The following ABCA13 variants were observed in gnomAD, a reference collection of about 807,000 sequenced individuals.
ABCA13 encodes the protein ATP-binding cassette sub-family A member 13.
ABCA13 carries 476 observed loss-of-function variants against 478.7 expected under a neutral mutation model. That is an observed-to-expected ratio of 0.99 (90% CI 0.92 to 1.07). The LOEUF (loss-of-function observed/expected upper bound fraction) is 1.07. ABCA13 is among the 50% of genes least tolerant of loss of function. ABCA13 has a pLI of 0.00. For synonymous variants in ABCA13, 2,252 were observed against 2,158.9 expected, an observed-to-expected ratio of 1.04 and a Z score of -1.20; for missense variants, 6,060 against 5,910.6, an observed-to-expected ratio of 1.03 and a Z score of -0.83.
intron 13 of ABCA13, 38 bp downstream of exon 13, chr7:48,246,068 A>C (rs1311222526): frequency 6.4e-7 from 1 of 1,570,720 alleles, no homozygotes; most frequent in Non-Finnish European, 8.6e-7. Flanking sequence ...TAAGGGCACA[A>C]ATTTAAGATT....
At chr7:48,403,006 G>T (rs1375704381) in intron 38 of ABCA13, among the ~76,000 whole-genome samples, 1 of 152,236 alleles carries the variant, frequency 6.6e-6, no homozygotes, top group African/African-American at 2.4e-5. Flanking sequence ...AGTGGTGAGG[G>T]AAGTTATTTG....
At chr7:48,562,396 A>G (rs192467333) in intron 55 of ABCA13, among the ~76,000 whole-genome samples, 2 of 152,250 alleles carry the variant, frequency 1.3e-5, no homozygotes, top group Admixed American at 6.5e-5. Flanking sequence ...TGAATAATAA[A>G]TCCGATAAGA....
Position 48,279,032 on chromosome 7 carries a change from A to G in ABCA13, c.7838A>G (p.Asp2613Gly). The part of the protein sequence containing the change: ...GVEPYISSNS[D>G]IFSMSPSILS... The stretch of plus-strand genomic sequence containing the variant: ...GAACCTTATATATCATCAAACTCTG[A>G]TATTTTCAGTATGTCACCTAGCATA... Residue 2613 changes from aspartate (D) to glycine (G), a missense_variant, in exon 18 of 62, where the codon GAT (aspartate) becomes GGT (glycine). Coordinates refer to ENST00000435803, the MANE Select transcript of ABCA13 (RefSeq NM_152701.5). 6.2e-7 allele frequency: 1 copy of G among 1,613,276 alleles called. No homozygotes were observed. Among genetic ancestry groups the G allele is most frequent in the Non-Finnish European group, 8.5e-7 (1 of 1,179,812 alleles).
chr7:48,330,741 C>CCATA (rs2128932229), intron 27 of ABCA13, among the ~76,000 whole-genome samples: 1 of 140,446 alleles, frequency 7.1e-6, no homozygotes, highest in South Asian at 2.4e-4. Flanking sequence ...ATTGACACAT[C>CCATA]CATCCATCCA....
intron 45 of ABCA13, among the ~76,000 whole-genome samples, chr7:48,475,891 A>C (rs1828039570): frequency 6.6e-6 from 1 of 152,204 alleles, no homozygotes; most frequent in South Asian, 2.1e-4. Context: ...TTAAAGGGGA[A>C]CAGGAATTGA....
intron 27 of ABCA13, among the ~76,000 whole-genome samples, chr7:48,330,321 C>T (rs570619561): frequency 6.6e-5 from 10 of 151,054 alleles, no homozygotes; most frequent in African/African-American, 1.7e-4. Context: ...ATCCATCTAC[C>T]CATACACCCA....
At chr7:48,510,785 C>G (rs985107897) in intron 50 of ABCA13, among the ~76,000 whole-genome samples, 1 of 152,078 alleles carries the variant, frequency 6.6e-6, no homozygotes, top group Non-Finnish European at 1.5e-5. Flanking sequence ...AGACACCAGT[C>G]ATGTTGGATG....
chr7:48,232,333 A>G (rs1000929747), intron 7 of ABCA13, among the ~76,000 whole-genome samples: 2 of 151,822 alleles, frequency 1.3e-5, no homozygotes, highest in African/African-American at 4.8e-5. Flanking sequence ...TAACAGACTC[A>G]TTTAGAAGCT....
Position 48,287,959 on chromosome 7 carries a change from GA to G in ABCA13, c.8840del (p.Asn2947ThrfsTer13), listed in dbSNP as rs1368140875. On this transcript the variant is annotated frameshift_variant and splice_region_variant, in exon 20 of 62. Coordinates refer to ENST00000435803, the MANE Select transcript of ABCA13 (RefSeq NM_152701.5). LOFTEE classifies it high-confidence loss of function. ...MVVRVLTIVA[E>X]NPSWTKDILC... ...ATTTCTCTGTGTGTTTCCTCTGGCAGAAAACCCTTCCTGGACCAAGGACATT... is the reference window on the plus strand; with the variant it reads ...ATTTCTCTGTGTGTTTCCTCTGGCAGAAACCCTTCCTGGACCAAGGACATT... The G allele has an allele frequency of 3.7e-6, 6 of 1,613,124 alleles. No individual in the cohort carries two copies. The highest frequency in any genetic ancestry group is 5.1e-6 in the Non-Finnish European group (6 of 1,179,168).
intron 51 of ABCA13, among the ~76,000 whole-genome samples, chr7:48,512,845 G>A (rs1434595096): frequency 2.6e-5 from 4 of 152,180 alleles, no homozygotes; most frequent in South Asian, 2.1e-4. Context: ...GGGGTTACAC[G>A]CTTCTGGTTA....
At position 48,271,960 on chromosome 7, in the gene ABCA13, A is replaced by C. The variant is rs1290958130; in HGVS notation, c.2294A>C (p.Glu765Ala). ...TTCCACAGCCTCCCATCTCTCACAG[A>C]GGATATTCTGAATATAAGTTCTCTG... ...PSFHSLPSLT[E>A]DILNISSLWT... Residue 765 changes from glutamate (E) to alanine (A), a missense_variant, in exon 17 of 62, where the codon GAG (glutamate) becomes GCG (alanine). This residue lies in a region of ABCA13 where 4,423 missense variants were observed against 4,309.1 expected (regional missense o/e 1.03). Coordinates refer to ENST00000435803, the MANE Select transcript of ABCA13 (RefSeq NM_152701.5). The C allele has an allele frequency of 6.2e-7, 1 of 1,613,668 alleles. No homozygotes were observed. The highest frequency in any genetic ancestry group is 2.2e-5 in the East Asian group (1 of 44,856).
At chr7:48,452,984 T>C (rs1825223140) in intron 42 of ABCA13, among the ~76,000 whole-genome samples, 1 of 152,216 alleles carries the variant, frequency 6.6e-6, no homozygotes, top group Non-Finnish European at 1.5e-5. Flanking sequence ...AAGAAGAGTG[T>C]ATATACTTGT....
chr7:48,249,375 G>C, intron 15 of ABCA13, 24 bp downstream of exon 15: 1 of 1,609,842 alleles, frequency 6.2e-7, no homozygotes, highest in Non-Finnish European at 8.5e-7. Flanking sequence ...CTAAACTACA[G>C]GAATGGGGGA....
intron 27 of ABCA13, among the ~76,000 whole-genome samples, chr7:48,319,679 CACAGGTG>C (rs1251769223): frequency 6.6e-6 from 1 of 152,174 alleles, no homozygotes; most frequent in African/African-American, 2.4e-5. Flanking sequence ...CTTGTAATAG[CACAGGTG>C]ACACCCAGAA....
chr7:48,318,981 A>G (rs1802999226), intron 27 of ABCA13, among the ~76,000 whole-genome samples: 2 of 152,190 alleles, frequency 1.3e-5, no homozygotes, highest in Non-Finnish European at 1.5e-5. Context: ...GGGGAAGAGA[A>G]GGCAAATAGC....
chr7:48,577,737 A>G (rs748181083), intron 55 of ABCA13, among the ~76,000 whole-genome samples: 1 of 152,162 alleles, frequency 6.6e-6, no homozygotes, highest in Non-Finnish European at 1.5e-5. Context: ...TGAGGCCAGC[A>G]TTATCATAAT....
intron 31 of ABCA13, among the ~76,000 whole-genome samples, chr7:48,357,943 A>C (rs1478400777): frequency 1.3e-5 from 2 of 151,554 alleles, no homozygotes; most frequent in African/African-American, 4.9e-5. Context: ...GGAATTCGAG[A>C]CCAGCCTGGC....
At chr7:48,201,044 A>T (rs1391140709) in intron 3 of ABCA13, among the ~76,000 whole-genome samples, 2 of 152,190 alleles carry the variant, frequency 1.3e-5, no homozygotes, top group African/African-American at 4.8e-5. Flanking sequence ...AGGCTCGCTC[A>T]CCGCGCAGAG....
At chr7:48,223,696 C>T (rs1787705768) in intron 5 of ABCA13, among the ~76,000 whole-genome samples, 1 of 151,958 alleles carries the variant, frequency 6.6e-6, no homozygotes, top group African/African-American at 2.4e-5. Flanking sequence ...GTGGCTCATG[C>T]CTGTAACCCT....
Sources: gnomAD v4.1 joint callset for allele counts (sites outside exome capture counted in the v4.1 genomes callset) on GRCh38, gnomAD v4.1.1 for gene constraint, gnomAD v4.1.1 regional missense constraint, MANE v1.5 for transcripts, NCBI Gene and HGNC (gene_info 2026-07-23, HGNC 2026-07-21) for gene names.